Variants in MTHFSD observed in about 807,000 individuals in gnomAD.
The protein encoded by MTHFSD is methenyltetrahydrofolate synthetase domain containing.
MTHFSD carries 37 observed loss-of-function variants against 31.1 expected under a neutral mutation model. The ratio of observed to expected loss-of-function variants is 1.19; its 90% CI spans 0.91 to 1.56. MTHFSD has a LOEUF of 1.56. Ranked by LOEUF, MTHFSD falls within the 40% of genes most tolerant of loss-of-function variation. MTHFSD has a pLI of 0.00. For missense variants in MTHFSD, 664 were observed against 510.1 expected, an observed-to-expected ratio of 1.30 and a Z score of -2.91; for synonymous variants, 221 against 206.9, an observed-to-expected ratio of 1.07 and a Z score of -0.59.
At chr16:86,537,794 G>C (rs779705679) in intron 7 of MTHFSD, among the ~76,000 whole-genome samples, 1 of 152,236 alleles carries the variant, frequency 6.6e-6, no homozygotes, top group South Asian at 2.1e-4. Flanking sequence ...GTGGGGAAGA[G>C]CGGGCCATGC....
intron 7 of MTHFSD, chr16:86,540,963 G>A: frequency 8.5e-7 from 1 of 1,173,168 alleles, no homozygotes; most frequent in Non-Finnish European, 1.1e-6. Flanking sequence ...TAGAGGTGAT[G>A]TTGTTAATTT....
At chr16:86,541,313 ATTT>A in intron 7 of MTHFSD, 28 of 963,840 alleles carry the variant, frequency 2.9e-5, no homozygotes, top group East Asian at 5.9e-5. Flanking sequence ...AAAAATCTGG[ATTT>A]AAAAAGGGAA....
chr16:86,538,505 C>T (rs1025007488), intron 7 of MTHFSD, among the ~76,000 whole-genome samples: 2 of 152,230 alleles, frequency 1.3e-5, no homozygotes, highest in East Asian at 3.8e-4. Flanking sequence ...GCATTTCACT[C>T]CCGACAAGGG....
At chr16:86,540,936 T>G (rs1597342924) in intron 7 of MTHFSD, 1 of 1,137,014 alleles carries the variant, frequency 8.8e-7, no homozygotes, top group South Asian at 1.9e-5. Context: ...AAGCAGCAGG[T>G]ATTCTGTGTT....
At chr16:86,541,223 T>C in intron 7 of MTHFSD, 1 of 1,287,700 alleles carries the variant, frequency 7.8e-7, no homozygotes. Flanking sequence ...CACAAATGCA[T>C]AAAATGTACA....
intron 1 of MTHFSD, 28 bp downstream of exon 1, chr16:86,555,141 C>G (rs867468688): frequency 1.2e-5 from 18 of 1,533,586 alleles, no homozygotes; most frequent in Middle Eastern, 3.4e-4. Flanking sequence ...CATTCCCAGC[C>G]GCCCCGGAGC....
intron 4 of MTHFSD, 96 bp from the exon 5 acceptor site, chr16:86,546,745 C>T (rs1972370378): frequency 2.8e-6 from 3 of 1,088,326 alleles, no homozygotes; most frequent in African/African-American, 1.5e-5. Flanking sequence ...GAATCAACCT[C>T]TTGGACAAAA....
chr16:86,554,908 G>T, intron 1 of MTHFSD, 157 bp from the exon 2 acceptor site: 1 of 1,073,408 alleles, frequency 9.3e-7, no homozygotes. Flanking sequence ...GGGCCCACGG[G>T]CTCCCCCACG....
chr16:86,548,010 T>G, intron 4 of MTHFSD: 1 of 1,281,058 alleles, frequency 7.8e-7, no homozygotes, highest in South Asian at 1.2e-5. Context: ...AAATCTTAAA[T>G]ATGTAATTAT....
At chr16:86,548,421 G>A in intron 4 of MTHFSD, 43 bp downstream of exon 4, 1 of 1,484,448 alleles carries the variant, frequency 6.7e-7, no homozygotes, top group Non-Finnish European at 9.4e-7. Flanking sequence ...CCTTCACAGG[G>A]TACAGTTCTT....
intron 5 of MTHFSD, among the ~76,000 whole-genome samples, chr16:86,545,678 TCCC>T (rs1444067009): frequency 6.6e-6 from 1 of 151,942 alleles, no homozygotes; most frequent in Non-Finnish European, 1.5e-5. Flanking sequence ...CCCTTCCCCC[TCCC>T]GTCGGTCCTG....
At chr16:86,532,734 C>A in intron 7 of MTHFSD, 1 of 334,358 alleles carries the variant, frequency 3.0e-6, no homozygotes. Context: ...GAGCGTTTGC[C>A]ACGAGCTGTG....
Position 86,541,304 on chromosome 16 carries a change from A to AG in MTHFSD, c.681+392_681+393insC, listed in dbSNP as rs913341806. The AG allele has an allele frequency of 2.0e-5, 22 of 1,104,970 alleles. No individual in the cohort carries two copies. In the African/African-American group the frequency reaches 3.4e-4, roughly 17 times the overall value. The allele number at this position is 1,104,970 out of a possible 1,614,324, so 68.4% of individuals were successfully genotyped here. A position where few individuals can be genotyped will look rare whatever the true frequency, so the allele number is the denominator to read the frequency against. On this transcript the variant is annotated intron_variant, in intron 7 of 7. Coordinates refer to ENST00000360900, the MANE Select transcript of MTHFSD (RefSeq NM_001159377.2). ...CCAGATCGTCAGTAAAAAAAAAAAAAAAATCTGGATTTAAAAAGGGAAGAC... is the reference window on the plus strand; with the variant it reads ...CCAGATCGTCAGTAAAAAAAAAAAAAGAAATCTGGATTTAAAAAGGGAAGAC...
intron 4 of MTHFSD, among the ~76,000 whole-genome samples, chr16:86,547,740 G>A (rs1972541072): frequency 6.6e-6 from 1 of 151,896 alleles, no homozygotes; most frequent in Admixed American, 6.6e-5. Flanking sequence ...GAATAAGCAG[G>A]GTGCTAATAA....
chr16:86,532,455 G>A lies in MTHFSD; in HGVS notation c.708C>T (p.Ile236=), dbSNP rs1452024502. 7 of 1,443,886 alleles carry A rather than the reference G, an allele frequency of 4.8e-6. No individual in the cohort carries two copies. In the South Asian group the frequency reaches 1.0e-4, roughly 22 times the overall value. 89.4% of individuals were successfully genotyped at this position (1,443,886 alleles called of 1,614,324 possible). ...GGGCGCGGAGGCTCCTCAGTATGGG[G>A]ATTTTCTCCATCATCTCCAGGCTGA... ...FKISLEMMEK[I]PILRSLRARE... Residue 236 remains isoleucine, a synonymous_variant, in exon 8 of 8, where the codon ATC becomes ATT. Coordinates refer to ENST00000360900, the MANE Select transcript of MTHFSD (RefSeq NM_001159377.2).
At chr16:86,546,198 A>G (rs1332183231) in intron 5 of MTHFSD, among the ~76,000 whole-genome samples, 1 of 152,212 alleles carries the variant, frequency 6.6e-6, no homozygotes, top group Non-Finnish European at 1.5e-5. Flanking sequence ...CTTGGAACCT[A>G]CTGTTTTTCC....
chr16:86,551,428 C>G (rs1973129768), intron 3 of MTHFSD, among the ~76,000 whole-genome samples: 1 of 152,218 alleles, frequency 6.6e-6, no homozygotes, highest in Admixed American at 6.5e-5. Flanking sequence ...TCCTTGTAAT[C>G]TTCCTCCTCT....
chr16:86,546,795 A>G (rs1972378189), intron 4 of MTHFSD, 146 bp from the exon 5 acceptor site: 1 of 696,062 alleles, frequency 1.4e-6, no homozygotes, highest in Non-Finnish European at 2.4e-6. Context: ...GTGGCGTTTC[A>G]GGAGAAGCCG....
chr16:86,555,032 C>A (rs1973889627), intron 1 of MTHFSD, 137 bp downstream of exon 1: 12 of 1,446,140 alleles, frequency 8.3e-6, no homozygotes, highest in Middle Eastern at 1.8e-4. Context: ...CAGCACAGAC[C>A]CCCTCTGACC....
Sources: allele counts gnomAD v4.1 joint callset (sites outside exome capture counted in the v4.1 genomes callset), GRCh38; gene constraint gnomAD v4.1.1; transcripts MANE v1.5; gene names NCBI Gene and HGNC (gene_info 2026-07-23, HGNC 2026-07-21).